The following GLI3 variants were observed in gnomAD, a reference collection of about 807,000 sequenced individuals.
The protein encoded by GLI3 is GLI family zinc finger 3.
In GLI3, 20 loss-of-function variants were observed where a neutral mutation model predicts 100.8. The ratio of observed to expected loss-of-function variants is 0.20; its 90% CI spans 0.14 to 0.29. The LOEUF (loss-of-function observed/expected upper bound fraction) is 0.29, where lower values mean the gene tolerates loss of function less well. GLI3 is among the 10% of genes least tolerant of loss of function. The probability of loss-of-function intolerance (pLI) is 1.00; values close to 1 mark genes in which losing one functional copy is unlikely to be tolerated. For synonymous variants in GLI3, 938 were observed against 860.5 expected, an observed-to-expected ratio of 1.09 and a Z score of -1.58; for missense variants, 2,040 against 2,128.5, an observed-to-expected ratio of 0.96 and a Z score of 0.82.
chr7:41,970,621 C>T lies in GLI3; in HGVS notation c.2103+1716G>A, dbSNP rs544855536. 1.6e-4 allele frequency among the ~76,000 whole-genome samples: 24 copies of T among 152,280 alleles called. No individual in the cohort carries two copies. The South Asian group carries it at 4.8e-3, about 30-fold the overall frequency. ...CACACATTGGGACATCTCAATGTTG[C>T]TGAGCCAAATCGCTGTAATTTTTAT... is the stretch of plus-strand genomic sequence containing the variant. On this transcript the variant is annotated intron_variant, in intron 13 of 14. Coordinates refer to ENST00000395925, the MANE Select transcript of GLI3 (RefSeq NM_000168.6).
intron 2 of GLI3, among the ~76,000 whole-genome samples, chr7:42,199,867 C>T (rs1267803070): frequency 1.3e-5 from 2 of 152,118 alleles, no homozygotes; most frequent in African/African-American, 2.4e-5. Context: ...ACCAGCCTGG[C>T]CTACATGGTG....
chr7:42,105,272 T>C (rs1214651446), intron 3 of GLI3, among the ~76,000 whole-genome samples: 2 of 152,172 alleles, frequency 1.3e-5, no homozygotes, highest in Admixed American at 1.3e-4. Context: ...AGGTACTAAA[T>C]GGCTGCTTCT....
At chr7:42,109,268 A>C (rs938538752) in intron 3 of GLI3, among the ~76,000 whole-genome samples, 5 of 152,222 alleles carry the variant, frequency 3.3e-5, no homozygotes, top group Non-Finnish European at 7.3e-5. Flanking sequence ...TCTGCGGTTC[A>C]TCACAGTCAC....
chr7:42,253,209 A>G (rs1172097929), intron 1 of GLI3, among the ~76,000 whole-genome samples: 1 of 152,242 alleles, frequency 6.6e-6, no homozygotes, highest in Non-Finnish European at 1.5e-5. Flanking sequence ...AACCATCAGC[A>G]TCTTGGGAGG....
chr7:42,201,005 C>A (rs1237808182), intron 2 of GLI3, among the ~76,000 whole-genome samples: 1 of 152,154 alleles, frequency 6.6e-6, no homozygotes, highest in Non-Finnish European at 1.5e-5. Context: ...CCCCCCTTAT[C>A]CTCCACAGAT....
intron 5 of GLI3, among the ~76,000 whole-genome samples, chr7:42,046,854 A>G (rs6953964): frequency 0.047 from 7,181 of 152,232 alleles, 394 homozygotes; most frequent in African/African-American, 0.14. Flanking sequence ...TTTGATTTTT[A>G]TTTTTAAAAT....
intron 2 of GLI3, among the ~76,000 whole-genome samples, chr7:42,219,698 CA>C (rs1447261266): frequency 1.3e-5 from 2 of 152,118 alleles, no homozygotes; most frequent in Non-Finnish European, 2.9e-5. Flanking sequence ...GAACAAATTG[CA>C]CCACAGAATG....
intron 1 of GLI3, among the ~76,000 whole-genome samples, chr7:42,228,457 G>T (rs1788629107): frequency 6.6e-6 from 1 of 152,240 alleles, no homozygotes; most frequent in Admixed American, 6.5e-5. Flanking sequence ...GTGCAGAGAA[G>T]CGGTCTGTAT....
chr7:41,985,860 C>A (rs980651503), intron 10 of GLI3, among the ~76,000 whole-genome samples: 3 of 152,158 alleles, frequency 2.0e-5, no homozygotes, highest in Non-Finnish European at 4.4e-5. Context: ...CCTTATATAT[C>A]AATGTGCACT....
At chr7:42,261,736 G>T (rs745540510) in intron 1 of GLI3, among the ~76,000 whole-genome samples, 3 of 152,196 alleles carry the variant, frequency 2.0e-5, no homozygotes, top group Non-Finnish European at 4.4e-5. Context: ...CTGATTATAG[G>T]TGCCCTGCAA....
At chr7:42,081,231 G>A (rs1381987986) in intron 3 of GLI3, among the ~76,000 whole-genome samples, 1 of 152,058 alleles carries the variant, frequency 6.6e-6, no homozygotes, top group Non-Finnish European at 1.5e-5. Context: ...TTTTACTGAG[G>A]GAATTAAAAT....
intron 7 of GLI3, among the ~76,000 whole-genome samples, chr7:42,031,687 G>A (rs575871518): frequency 1.3e-5 from 2 of 152,122 alleles, no homozygotes; most frequent in Non-Finnish European, 2.9e-5. Context: ...AGAAAAATGT[G>A]GTTGTTAGAT....
chr7:42,003,600 T>C (rs141417869), intron 10 of GLI3, among the ~76,000 whole-genome samples: 155 of 152,276 alleles, frequency 1.0e-3, no homozygotes, highest in Non-Finnish European at 1.7e-3. Flanking sequence ...GAAAATCTCA[T>C]CAAAACCCGA....
At chr7:42,234,727 C>A (rs1002485205) in intron 1 of GLI3, among the ~76,000 whole-genome samples, 3 of 152,130 alleles carry the variant, frequency 2.0e-5, no homozygotes, top group Admixed American at 2.0e-4. Flanking sequence ...TCACTAGACA[C>A]CTCTCACATT....
chr7:42,114,716 T>C (rs143272747), intron 3 of GLI3, among the ~76,000 whole-genome samples: 126 of 152,260 alleles, frequency 8.3e-4, no homozygotes, highest in African/African-American at 2.8e-3. Context: ...TTTGTTTGTT[T>C]TGTGAGATGG....
upstream of GLI3, among the ~76,000 whole-genome samples, chr7:42,242,403 A>G (rs1325216895): frequency 6.6e-6 from 1 of 152,066 alleles, no homozygotes; most frequent in Non-Finnish European, 1.5e-5. Context: ...ACTTACATAA[A>G]CTGCAGGTTT....
Position 41,965,977 on chromosome 7 carries a change from G to T in GLI3, c.3096C>A (p.Pro1032=), listed in dbSNP as rs1162400822. 2 of 1,607,290 alleles carry T rather than the reference G, an allele frequency of 1.2e-6. No individual in the cohort carries two copies. The highest frequency in any genetic ancestry group is 2.7e-5 in the African/African-American group (2 of 74,914). The change falls in exon 15 of 15, where the codon CCC becomes CCA. Residue 1032 remains proline, a synonymous_variant. Transcript: ENST00000395925. ...TCTCCGCGGACGTGGCCATCGCCGGGGGGTTGCAGCTGCTGAGGCTGCTGA... is the reference window on the plus strand; with the variant it reads ...TCTCCGCGGACGTGGCCATCGCCGGTGGGTTGCAGCTGCTGAGGCTGCTGA... ...PRFSSLSSCN[P]PAMATSAEKR... is the part of the protein sequence containing the mutation.
At chr7:42,168,263 T>C (rs930810864) in intron 2 of GLI3, among the ~76,000 whole-genome samples, 2 of 152,178 alleles carry the variant, frequency 1.3e-5, no homozygotes, top group Non-Finnish European at 2.9e-5. Flanking sequence ...ACAAAAACAC[T>C]GTGCATTGCC....
Position 41,977,542 on chromosome 7 carries a change from C to A in GLI3, c.1812+16G>T. On this transcript the variant is annotated intron_variant, in intron 12 of 14. Transcript: ENST00000395925. ...TGTTTCCTTATGCAAGCTCCATGCC[C>A]ACTGAGGATGCTTACCTCATTGGAA... 6.2e-7 allele frequency: 1 copy of A among 1,613,122 alleles called. No individual in the cohort carries two copies. The highest frequency in any genetic ancestry group is 8.5e-7 in the Non-Finnish European group (1 of 1,179,234).
Sources: allele counts gnomAD v4.1 joint callset (sites outside exome capture counted in the v4.1 genomes callset), GRCh38; gene constraint gnomAD v4.1.1; transcripts MANE v1.5; gene names NCBI Gene and HGNC (gene_info 2026-07-23, HGNC 2026-07-21).